APOE: variants seen among roughly 807,000 people sequenced by gnomAD.
The protein encoded by APOE is apolipoprotein E.
In APOE, 10 loss-of-function variants were observed where a neutral mutation model predicts 13.1. The observed-to-expected ratio is 0.76, with a 90% CI of 0.47 to 1.29. The LOEUF (loss-of-function observed/expected upper bound fraction) is 1.29. Ranked by LOEUF, APOE falls within the 50% of genes most tolerant of loss-of-function variation. The pLI, the probability that APOE is intolerant of heterozygous loss-of-function variation, is 0.00. For missense variants in APOE, 471 were observed against 459.6 expected (o/e 1.02, Z -0.23); for synonymous variants, 211 against 207.1 (o/e 1.02, Z -0.16).
Position 44,908,861 on chromosome 19 carries a change from G to A in APOE, c.565G>A (p.Glu189Lys), listed in dbSNP as rs11542032. ...CCAGGCCGGGGCCCGCGAGGGCGCC[G>A]AGCGCGGCCTCAGCGCCATCCGCGA... ...VYQAGAREGA[E>K]RGLSAIRERL... Residue 189 changes from glutamate to lysine, a missense_variant, in exon 4 of 4, where the codon GAG becomes AAG. By Grantham distance (56) the Glu-to-Lys change is moderately conservative (BLOSUM62 1). Coordinates refer to ENST00000252486, the MANE Select transcript of APOE (RefSeq NM_000041.4). The A allele has an allele frequency of 1.3e-6, 2 of 1,520,730 alleles. No individual in the cohort carries two copies. Among genetic ancestry groups the A allele is most frequent in the Non-Finnish European group, 1.8e-6 (2 of 1,139,230 alleles). 94.2% of individuals were successfully genotyped at this position (1,520,730 alleles called of 1,614,324 possible).
At chr19:44,906,982 G>A in intron 2 of APOE, 3 of 391,952 alleles carry the variant, frequency 7.7e-6, no homozygotes, top group Non-Finnish European at 1.4e-5. Context: ...CCAGGTCCAC[G>A]CCATTCTCCT....
At chr19:44,906,232 T>C (rs1195221037) in intron 1 of APOE, 2 of 374,292 alleles carry the variant, frequency 5.3e-6, no homozygotes, top group Non-Finnish European at 1.0e-5. Context: ...CTGAATTAGC[T>C]CATAAATGGA....
rs1378119160 is a variant in APOE at position 44,909,197 on chromosome 19, G to A, written c.901G>A (p.Val301Met). ...QRQWAGLVEK[V>M]QAAVGTSAAP... ...CCAGTGGGCCGGGCTGGTGGAGAAG[G>A]TGCAGGCTGCCGTGGGCACCAGCGC... The change falls in exon 4 of 4, where the codon GTG becomes ATG. Residue 301 changes from valine (V) to methionine (M), a missense_variant. By Grantham distance (21) the Val-to-Met change is conservative. Coordinates refer to ENST00000252486, the MANE Select transcript of APOE (RefSeq NM_000041.4). The A allele has an allele frequency of 2.5e-6, 4 of 1,597,914 alleles. No individual in the cohort carries two copies. The highest frequency in any genetic ancestry group is 3.4e-6 in the Non-Finnish European group (4 of 1,178,912).
chr19:44,908,750 CG>C lies in APOE; in HGVS notation c.457del (p.Val153CysfsTer98). 6.4e-7 allele frequency: 1 copy of C among 1,560,412 alleles called. No homozygotes were observed. The highest frequency in any genetic ancestry group is 8.7e-7 in the Non-Finnish European group (1 of 1,153,818). The stretch of plus-strand genomic sequence containing the variant: ...GCTCGGCCAGAGCACCGAGGAGCTG[CG>C]GGTGCGCCTCGCCTCCCACCTGCGC... The part of the protein sequence containing the change: ...AMLGQSTEEL[R>X]VRLASHLRKL... On this transcript the variant is annotated frameshift_variant, in exon 4 of 4. Coordinates refer to ENST00000252486, the MANE Select transcript of APOE (RefSeq NM_000041.4). LOFTEE classifies it low-confidence loss of function (END_TRUNC).
rs1440464486 is a variant in APOE at position 44,907,027 on chromosome 19, C to T, written c.43+360C>T. 6.4e-6 allele frequency: 2 copies of T among 311,822 alleles called. No homozygotes were observed. Among genetic ancestry groups the T allele is most frequent in the East Asian group, 1.5e-4 (2 of 13,476 alleles). 19.3% of individuals were successfully genotyped at this position (311,822 alleles called of 1,614,324 possible). A position where few individuals can be genotyped will look rare whatever the true frequency, so the allele number is the denominator to read the frequency against. ...TCCCAAGTAGCTGGGACTACAGGCA[C>T]ATGCCACCACACCCGACTAACTTTT... On this transcript the variant is annotated intron_variant, in intron 2 of 3. Coordinates refer to ENST00000252486, the MANE Select transcript of APOE (RefSeq NM_000041.4). The surrounding 1 kb of genome is among the most constrained non-coding windows in gnomAD (Gnocchi z 4.1).
At position 44,907,637 on chromosome 19, in the gene APOE, C is replaced by A; in HGVS notation, c.44-123C>A. 1 of 834,334 alleles carries A rather than the reference C, an allele frequency of 1.2e-6. No homozygotes were observed. The highest frequency in any genetic ancestry group is 1.4e-5 in the South Asian group (1 of 69,278). 51.7% of individuals were successfully genotyped at this position (834,334 alleles called of 1,614,324 possible). On this transcript the variant is annotated intron_variant, in intron 2 of 3. Transcript: ENST00000252486. The surrounding 1 kb of genome is among the most constrained non-coding windows in gnomAD (Gnocchi z 4.1). Reference sequence around the variant, plus strand: ...TTCCAAGTGATTAAACCGACTCCCCCCTCACCCTGCCCACCATGGCTCCAA... The same window carrying A: ...TTCCAAGTGATTAAACCGACTCCCCACTCACCCTGCCCACCATGGCTCCAA...
chr19:44,908,513 T>TC lies in APOE; in HGVS notation c.237-17dup. 1 of 1,491,398 alleles carries TC rather than the reference T, an allele frequency of 6.7e-7. No individual in the cohort carries two copies. Among genetic ancestry groups the TC allele is most frequent in the South Asian group, 1.1e-5 (1 of 89,338 alleles). The allele number at this position is 1,491,398 out of a possible 1,614,324, so 92.4% of individuals were successfully genotyped here. ...CCCCGCCTCCCACTGTGCGACACCCTCCCGCCCTCTCGGCCGCAGGGCGCT... is the reference window on the plus strand; with the variant it reads ...CCCCGCCTCCCACTGTGCGACACCCTCCCCGCCCTCTCGGCCGCAGGGCGCT... On this transcript the variant is annotated intron_variant, in intron 3 of 3. Coordinates refer to ENST00000252486, the MANE Select transcript of APOE (RefSeq NM_000041.4).
rs1431045915 is a variant in APOE at position 44,909,299 on chromosome 19, C to A, written c.*49C>A. 1 of 1,551,544 alleles carries A rather than the reference C, an allele frequency of 6.4e-7. No individual in the cohort carries two copies. The highest frequency in any genetic ancestry group is 1.7e-5 in the Admixed American group (1 of 59,522). On this transcript the variant is annotated 3_prime_UTR_variant, in exon 4 of 4. Transcript: ENST00000252486. ...ACCCCACGCCACCCCGTGCCTCCTGCCTCCGCGCAGCCTGCAGCGGGAGAC... is the reference window on the plus strand; with the variant it reads ...ACCCCACGCCACCCCGTGCCTCCTGACTCCGCGCAGCCTGCAGCGGGAGAC...
Position 44,907,992 on chromosome 19 carries a change from C to T in APOE, c.236+40C>T, listed in dbSNP as rs1254928934. ...CCTGGCCCTTGACCCTCCTGGTGGGCGGCTATACCTCCCCAGGTCCAGGTT... is the reference window on the plus strand; with the variant it reads ...CCTGGCCCTTGACCCTCCTGGTGGGTGGCTATACCTCCCCAGGTCCAGGTT... On this transcript the variant is annotated intron_variant, in intron 3 of 3. Coordinates refer to ENST00000252486, the MANE Select transcript of APOE (RefSeq NM_000041.4). This position sits in a 1 kb window ranked among gnomAD's most constrained non-coding sequence, Gnocchi z 4.1. 2 of 1,588,252 alleles carry T rather than the reference C, an allele frequency of 1.3e-6. No homozygotes were observed. Among genetic ancestry groups the T allele is most frequent in the Non-Finnish European group, 8.6e-7 (1 of 1,163,206 alleles).
Position 44,909,176 on chromosome 19 carries a change from TG to T in APOE, c.883del (p.Ala295ProfsTer?). On this transcript the variant is annotated frameshift_variant, in exon 4 of 4. Coordinates refer to ENST00000252486, the MANE Select transcript of APOE (RefSeq NM_000041.4). LOFTEE classifies it low-confidence loss of function (END_TRUNC). The stretch of plus-strand genomic sequence containing the variant: ...CCTGGTGGAAGACATGCAGCGCCAG[TG>T]GGCCGGGCTGGTGGAGAAGGTGCAG... ...EPLVEDMQRQ[W>X]AGLVEKVQAA... 2 of 1,599,528 alleles carry T rather than the reference TG, an allele frequency of 1.3e-6. No individual in the cohort carries two copies.
intron 3 of APOE, 85 bp downstream of exon 3, chr19:44,908,037 A>C: frequency 7.4e-7 from 1 of 1,356,724 alleles, no homozygotes; most frequent in Admixed American, 1.9e-5. Flanking sequence ...CCCTGTCGCT[A>C]AGTCTTGGGG....
Position 44,908,860 on chromosome 19 carries a change from C to T in APOE, c.564C>T (p.Ala188=). The change falls in exon 4 of 4, where the codon GCC becomes GCT. Residue 188 remains alanine (A), a synonymous_variant. Transcript: ENST00000252486. ...AVYQAGAREG[A]ERGLSAIRER... ...ACCAGGCCGGGGCCCGCGAGGGCGC[C>T]GAGCGCGGCCTCAGCGCCATCCGCG... The T allele has an allele frequency of 1.3e-6, 2 of 1,520,720 alleles. No homozygotes were observed. The highest frequency in any genetic ancestry group is 8.8e-7 in the Non-Finnish European group (1 of 1,139,160). 94.2% of individuals were successfully genotyped at this position (1,520,720 alleles called of 1,614,324 possible).
Position 44,907,792 on chromosome 19 carries a change from A to G in APOE, c.76A>G (p.Thr26Ala), listed in dbSNP as rs1969835105. 5 of 1,613,334 alleles carry G rather than the reference A, an allele frequency of 3.1e-6. No homozygotes were observed. The highest frequency in any genetic ancestry group is 4.2e-6 in the Non-Finnish European group (5 of 1,179,888). Residue 26 changes from threonine (T) to alanine (A), a missense_variant, in exon 3 of 4, where the codon ACA becomes GCA. By Grantham distance (58) the Thr-to-Ala change is moderately conservative. Coordinates refer to ENST00000252486, the MANE Select transcript of APOE (RefSeq NM_000041.4). This position sits in a 1 kb window ranked among gnomAD's most constrained non-coding sequence, Gnocchi z 4.1. ...GGCCAAGGTGGAGCAAGCGGTGGAG[A>G]CAGAGCCGGAGCCCGAGCTGCGCCA... is the stretch of plus-strand genomic sequence containing the variant. ...CQAKVEQAVE[T>A]EPEPELRQQT...
Position 44,907,709 on chromosome 19 carries a change from C to G in APOE, c.44-51C>G, listed in dbSNP as rs534688106. On this transcript the variant is annotated intron_variant, in intron 2 of 3. Coordinates refer to ENST00000252486, the MANE Select transcript of APOE (RefSeq NM_000041.4). The surrounding 1 kb of genome is among the most constrained non-coding windows in gnomAD (Gnocchi z 4.1). ...TCTGTGTGCCCCTAGGTACTAGATG[C>G]CTGGACGGGGTCAGAAGGACCCTGA... 6.5e-7 allele frequency: 1 copy of G among 1,528,398 alleles called. No individual in the cohort carries two copies. Among genetic ancestry groups the G allele is most frequent in the South Asian group, 1.2e-5 (1 of 85,348 alleles). The allele number at this position is 1,528,398 out of a possible 1,614,324, so 94.7% of individuals were successfully genotyped here. A position where few individuals can be genotyped will look rare whatever the true frequency, so the allele number is the denominator to read the frequency against.
intron 3 of APOE, 120 bp downstream of exon 3, chr19:44,908,072 C>A: frequency 1.1e-6 from 1 of 929,926 alleles, no homozygotes; most frequent in Non-Finnish European, 1.7e-6. Flanking sequence ...CTGGTTCTAG[C>A]TTCCTCTTCC....
In APOE at chr19:44,907,339, G is replaced by A. The variant is rs1454469363; in HGVS notation, c.44-421G>A. On this transcript the variant is annotated intron_variant, in intron 2 of 3. Transcript: ENST00000252486. This position sits in a 1 kb window ranked among gnomAD's most constrained non-coding sequence, Gnocchi z 4.1. ...CCGCTGGGCGCGGTGGCTCACCCCT[G>A]TAATCCCAGCACTTTGGGAGGCCAA... The A allele has an allele frequency of 1.0e-5, 3 of 293,090 alleles. No individual in the cohort carries two copies. Among genetic ancestry groups the A allele is most frequent in the Non-Finnish European group, 2.0e-5 (3 of 149,074 alleles). The allele number at this position is 293,090 out of a possible 1,614,324, so 18.2% of individuals were successfully genotyped here. A position where few individuals can be genotyped will look rare whatever the true frequency, so the allele number is the denominator to read the frequency against.
Position 44,905,858 on chromosome 19 carries a change from G to T in APOE, c.-24+17G>T, listed in dbSNP as rs972038965. 7.7e-7 allele frequency: 1 copy of T among 1,295,100 alleles called. No homozygotes were observed. The highest frequency in any genetic ancestry group is 1.5e-5 in the African/African-American group (1 of 64,914). 80.2% of individuals were successfully genotyped at this position (1,295,100 alleles called of 1,614,324 possible). ...CAGGAGCCGGTGAGAAGCGCAGTCG[G>T]GGGCACGGGGATGAGCTCAGGGGCC... is the stretch of plus-strand genomic sequence containing the variant. On this transcript the variant is annotated intron_variant, in intron 1 of 3. Coordinates refer to ENST00000252486, the MANE Select transcript of APOE (RefSeq NM_000041.4).
Position 44,908,872 on chromosome 19 carries a change from C to T in APOE, c.576C>T (p.Leu192=), listed in dbSNP as rs1182228267. ...AGAREGAERG[L]SAIRERLGPL... ...CCCGCGAGGGCGCCGAGCGCGGCCT[C>T]AGCGCCATCCGCGAGCGCCTGGGGC... Residue 192 remains leucine, a synonymous_variant, in exon 4 of 4, where the codon CTC becomes CTT. Coordinates refer to ENST00000252486, the MANE Select transcript of APOE (RefSeq NM_000041.4). 1.3e-6 allele frequency: 2 copies of T among 1,502,576 alleles called. No homozygotes were observed. The highest frequency in any genetic ancestry group is 2.2e-5 in the Admixed American group (1 of 46,176). The allele number at this position is 1,502,576 out of a possible 1,614,324, so 93.1% of individuals were successfully genotyped here.
rs1308105723 is a variant in APOE, at chr19:44,909,003, TGGA to T, written c.712_714del (p.Glu238del). The T allele has an allele frequency of 7.2e-6, 11 of 1,535,356 alleles. No homozygotes were observed. Among genetic ancestry groups the T allele is most frequent in the Non-Finnish European group, 9.6e-6 (11 of 1,146,492 alleles). ...TGGGGCGAGCGGCTGCGCGCGCGGA[TGGA>T]GGAGATGGGCAGCCGGACCCGCGAC... is the stretch of plus-strand genomic sequence containing the variant. On this transcript the variant is annotated inframe_deletion, in exon 4 of 4. Coordinates refer to ENST00000252486, the MANE Select transcript of APOE (RefSeq NM_000041.4).
Sources: allele counts gnomAD v4.1 joint callset, GRCh38; gene constraint gnomAD v4.1.1; non-coding constraint Gnocchi (gnomAD v3.1); transcripts MANE v1.5; gene names NCBI Gene and HGNC (gene_info 2026-07-23, HGNC 2026-07-21).